The following C9orf78 variants were observed in gnomAD, a reference collection of about 807,000 sequenced individuals.
C9orf78 encodes the protein chromosome 9 open reading frame 78, also known as splicing factor C9orf78.
Under a neutral mutation model 37.4 loss-of-function variants are expected in C9orf78, and 19 were observed. The observed-to-expected ratio is 0.51, with a 90% CI of 0.35 to 0.74. C9orf78 has a LOEUF of 0.74. Ranked by LOEUF, C9orf78 falls within the 30% of genes least tolerant of loss-of-function variation. The probability of loss-of-function intolerance (pLI) is 0.01; values close to 1 mark genes in which losing one functional copy is unlikely to be tolerated. For synonymous variants in C9orf78, 130 were observed against 128.0 expected, an observed-to-expected ratio of 1.02 and a Z score of -0.10; for missense variants, 291 against 370.8, an observed-to-expected ratio of 0.78 and a Z score of 1.77.
chr9:129,834,550 C>T, intron 2 of C9orf78, 157 bp downstream of exon 2: 2 of 645,556 alleles, frequency 3.1e-6, no homozygotes, highest in Non-Finnish European at 5.5e-6. Context: ...CCTGGTTAAA[C>T]ATTTGCAAAG....
intron 6 of C9orf78, 102 bp from the exon 7 acceptor site, chr9:129,829,643 G>A: frequency 1.0e-6 from 1 of 966,568 alleles, no homozygotes; most frequent in East Asian, 2.4e-5. Context: ...AGAAAATCAT[G>A]TGTCCTGGGG....
chr9:129,834,999 G>A (rs2031673487), intron 1 of C9orf78, 140 bp downstream of exon 1: 2 of 763,282 alleles, frequency 2.6e-6, no homozygotes, highest in Non-Finnish European at 2.2e-6. Context: ...CTCACCCCTT[G>A]AGCCTCAATT....
Position 129,833,486 on chromosome 9 carries a change from A to G in C9orf78, c.227T>C (p.Met76Thr), listed in dbSNP as rs896406485. 2.5e-6 allele frequency: 4 copies of G among 1,606,356 alleles called. No individual in the cohort carries two copies. In the African/African-American group the frequency reaches 4.0e-5, roughly 16 times the overall value. The change falls in exon 4 of 9, where the codon ATG (methionine) becomes ACG (threonine). Residue 76 changes from methionine (M) to threonine (T), a missense_variant. Around this residue, in one of 3 missense-constraint regions of C9orf78, gnomAD observed 158 missense variants for 174.8 expected, o/e 0.90. Coordinates refer to ENST00000372447, the MANE Select transcript of C9orf78 (RefSeq NM_016520.3). Reference sequence around the variant, plus strand: ...TTCCTTCAGTTTCTTCATATCCACCATACCACCTGTCTTCATCTGAAAGGG... The same window carrying G: ...TTCCTTCAGTTTCTTCATATCCACCGTACCACCTGTCTTCATCTGAAAGGG... The part of the protein sequence containing the change: ...DDPFQMKTGG[M>T]VDMKKLKERG...
At chr9:129,834,271 A>G (rs1029852622) in intron 2 of C9orf78, 3 of 182,064 alleles carry the variant, frequency 1.6e-5, no homozygotes, top group African/African-American at 2.4e-5. Flanking sequence ...GAGAGAGACG[A>G]AAAAAAACAG....
chr9:129,829,603 G>C, intron 6 of C9orf78, 62 bp from the exon 7 acceptor site: 1 of 1,503,150 alleles, frequency 6.7e-7, no homozygotes, highest in South Asian at 1.2e-5. Context: ...TCAGACATGA[G>C]TGGTGAGGCT....
At chr9:129,834,795 A>AGCT in intron 1 of C9orf78, 29 bp from the exon 2 acceptor site, 1 of 1,537,994 alleles carries the variant, frequency 6.5e-7, no homozygotes, top group Non-Finnish European at 9.0e-7. Context: ...GCAGCAATGC[A>AGCT]TAAGCTGAGT....
chr9:129,829,131 C>T (rs760491729), intron 8 of C9orf78, 74 bp downstream of exon 8: 29 of 1,038,250 alleles, frequency 2.8e-5, no homozygotes, highest in South Asian at 3.9e-5. Context: ...CCCTGTCCCC[C>T]GCTGCATCCT....
chr9:129,833,015 G>GCATA (rs1554738830), intron 4 of C9orf78, among the ~76,000 whole-genome samples: 2 of 149,156 alleles, frequency 1.3e-5, no homozygotes, highest in African/African-American at 5.0e-5. Context: ...GTGTGTGTGT[G>GCATA]TATATGTGTA....
intron 4 of C9orf78, among the ~76,000 whole-genome samples, chr9:129,832,223 G>C (rs185306498): frequency 2.3e-3 from 345 of 152,254 alleles, no homozygotes; most frequent in Middle Eastern, 6.8e-3. Flanking sequence ...ATGGGGGATT[G>C]GTTCTAGTGT....
At chr9:129,828,296 C>T (rs1189577059) in intron 8 of C9orf78, 44 bp from the exon 9 acceptor site, 1 of 1,162,024 alleles carries the variant, frequency 8.6e-7, no homozygotes, top group East Asian at 2.4e-5. Context: ...CATGCTGGAA[C>T]CCACTGCTAG....
rs1207170570 is a variant in C9orf78, at chr9:129,833,884, C to G, written c.144-175G>C. The G allele has an allele frequency of 9.9e-6, 6 of 605,060 alleles. No individual in the cohort carries two copies. In the East Asian group the frequency reaches 1.4e-4, roughly 14 times the overall value. 37.5% of individuals were successfully genotyped at this position (605,060 alleles called of 1,614,324 possible). A position where few individuals can be genotyped will look rare whatever the true frequency, so the allele number is the denominator to read the frequency against. ...TAAGCATAAGACAGGGCTCAACGAG[C>G]ACCGCAGATGCTGGAAGAAGGGTGC... On this transcript the variant is annotated intron_variant, in intron 2 of 8. Transcript: ENST00000372447.
intron 1 of C9orf78, 140 bp from the exon 2 acceptor site, chr9:129,834,906 C>G: frequency 1.3e-6 from 1 of 740,808 alleles, no homozygotes. Flanking sequence ...AGAGGACGAC[C>G]TTGTGCCTAG....
chr9:129,831,160 C>T (rs765196844), intron 5 of C9orf78, 92 bp from the exon 6 acceptor site: 226 of 796,596 alleles, frequency 2.8e-4, no homozygotes, highest in Middle Eastern at 7.2e-4. Context: ...GGCCCGCAGA[C>T]CAGTGACAGT....
In C9orf78 at chr9:129,831,930, C is replaced by A; in HGVS notation, c.310G>T (p.Ala104Ser). 1 of 1,595,390 alleles carries A rather than the reference C, an allele frequency of 6.3e-7. No individual in the cohort carries two copies. The highest frequency in any genetic ancestry group is 1.3e-5 in the African/African-American group (1 of 74,632). The change falls in exon 5 of 9, where the codon GCA (alanine) becomes TCA (serine). Residue 104 changes from alanine to serine, a missense_variant. Transcript: ENST00000372447. ...EDLHLGTSFS[A>S]ETNRRDEDAD... ...TCCTCATCCCTTCGGTTGGTTTCTG[C>A]AGAAAACGATGTCCCCAGGTGCAGG...
In C9orf78 at chr9:129,829,538, A is replaced by G. The variant is rs1271974095; in HGVS notation, c.546T>C (p.Ala182=). 1 of 1,613,038 alleles carries G rather than the reference A, an allele frequency of 6.2e-7. No individual in the cohort carries two copies. ...CCGTGGAAATGATATTTTTTATTTT[A>G]GCACTATGGAGAGAAAGAAACCACA... ...GIPEVDLGID[A]KIKNIISTED... Residue 182 remains alanine, a synonymous_variant, in exon 7 of 9, where the codon GCT becomes GCC. Coordinates refer to ENST00000372447, the MANE Select transcript of C9orf78 (RefSeq NM_016520.3).
At chr9:129,832,997 A>ATATGTG (rs1554738814) in intron 4 of C9orf78, among the ~76,000 whole-genome samples, 1 of 108,100 alleles carries the variant, frequency 9.3e-6, no homozygotes, top group African/African-American at 2.8e-5. Context: ...ATATATATAT[A>ATATGTG]TGTGTGTGTG....
intron 1 of C9orf78, 111 bp from the exon 2 acceptor site, chr9:129,834,877 G>A: frequency 2.3e-6 from 2 of 865,454 alleles, no homozygotes; most frequent in East Asian, 2.4e-5. Context: ...CAGCTACTGA[G>A]CCACCAGCAC....
At chr9:129,832,111 G>A (rs961277126) in intron 4 of C9orf78, 138 bp from the exon 5 acceptor site, 1 of 607,174 alleles carries the variant, frequency 1.6e-6, no homozygotes, top group South Asian at 1.9e-5. Flanking sequence ...AAATGCCGTA[G>A]TATATGTAAA....
intron 5 of C9orf78, chr9:129,831,279 G>T: frequency 1.7e-6 from 1 of 586,692 alleles, no homozygotes; most frequent in East Asian, 2.8e-5. Context: ...TTGGTGTTAT[G>T]ATGTACAAGG....
Sources: gnomAD v4.1 joint callset for allele counts (sites outside exome capture counted in the v4.1 genomes callset) on GRCh38, gnomAD v4.1.1 for gene constraint, gnomAD v4.1.1 regional missense constraint, MANE v1.5 for transcripts, NCBI Gene and HGNC (gene_info 2026-07-23, HGNC 2026-07-21) for gene names.